Variants in MMP20 observed in about 807,000 individuals in gnomAD.
MMP20 encodes the protein matrix metallopeptidase 20, also known as matrix metalloproteinase-20.
MMP20 carries 50 observed loss-of-function variants against 51.8 expected under a neutral mutation model. The ratio of observed to expected loss-of-function variants is 0.97; its 90% CI spans 0.77 to 1.22. The LOEUF (loss-of-function observed/expected upper bound fraction) is 1.22. MMP20 is among the 50% of genes most tolerant of loss of function. The pLI, the probability that MMP20 is intolerant of heterozygous loss-of-function variation, is 0.00. For missense variants in MMP20, 663 were observed against 601.4 expected (o/e 1.10, Z -1.07); for synonymous variants, 244 against 216.2 (o/e 1.13, Z -1.13).
intron 8 of MMP20, among the ~76,000 whole-genome samples, chr11:102,590,984 G>A (rs969189854): frequency 6.6e-6 from 1 of 152,168 alleles, no homozygotes; most frequent in Non-Finnish European, 1.5e-5. Flanking sequence ...TAAACTGTCA[G>A]ACTTTTTACA....
In MMP20 at chr11:102,610,000, G is replaced by C; in HGVS notation, c.554C>G (p.Pro185Arg). The C allele has an allele frequency of 1.2e-6, 2 of 1,614,128 alleles. No homozygotes were observed. Among genetic ancestry groups the C allele is most frequent in the Non-Finnish European group, 1.7e-6 (2 of 1,180,032 alleles). The change falls in exon 4 of 10, where the codon CCT becomes CGT. Residue 185 changes from proline (P) to arginine (R), a missense_variant. Coordinates refer to ENST00000260228, the MANE Select transcript of MMP20 (RefSeq NM_004771.4). ...DHGDSYPFDG[P>R]RGTLAHAFAP... ...AAATGCATGGGCTAGAGTCCCCCGA[G>C]GCCCATCGAATGGATAGGAATCCCC... is the stretch of plus-strand genomic sequence containing the variant.
At chr11:102,578,103 T>G (rs1378553331) in intron 9 of MMP20, among the ~76,000 whole-genome samples, 1 of 152,016 alleles carries the variant, frequency 6.6e-6, no homozygotes, top group Non-Finnish European at 1.5e-5. Context: ...ATTGCAGGAG[T>G]TGGATGATGG....
chr11:102,606,059 A>G (rs1859511329), intron 6 of MMP20, among the ~76,000 whole-genome samples: 1 of 152,166 alleles, frequency 6.6e-6, no homozygotes, highest in Admixed American at 6.5e-5. Context: ...CCAATCTCCT[A>G]TCTGTCCATC....
chr11:102,584,423 T>C (rs1156365299), intron 8 of MMP20, among the ~76,000 whole-genome samples: 1 of 152,220 alleles, frequency 6.6e-6, no homozygotes, highest in Non-Finnish European at 1.5e-5. Flanking sequence ...CATTTGTATA[T>C]CTTTGTTGGA....
At chr11:102,593,723 C>A in intron 7 of MMP20, 128 bp from the exon 8 acceptor site, 1 of 993,116 alleles carries the variant, frequency 1.0e-6, no homozygotes, top group African/African-American at 1.6e-5. Context: ...TATAACCCAA[C>A]AAGAGATATA....
chr11:102,609,192 G>C (rs1467787503), intron 4 of MMP20, 94 bp from the exon 5 acceptor site: 2 of 1,121,454 alleles, frequency 1.8e-6, no homozygotes, highest in Admixed American at 2.0e-5. Context: ...CCACATTACA[G>C]TTAACCCATC....
Position 102,611,839 on chromosome 11 carries a change from G to T in MMP20, c.439C>A (p.Gln147Lys). The T allele has an allele frequency of 6.2e-7, 1 of 1,614,176 alleles. No homozygotes were observed. Among genetic ancestry groups the T allele is most frequent in the Middle Eastern group, 1.6e-4 (1 of 6,062 alleles). ...AGAGGGACGGCGCTACTCCAGGCCT[G>T]CAAGGCCATCTCCACTGCTTTGTCC... Reference protein sequence around the residue: ...EVDKAVEMALQAWSSAVPLSF... With the variant: ...EVDKAVEMALKAWSSAVPLSF... Residue 147 changes from glutamine to lysine, a missense_variant, in exon 3 of 10, where the codon CAG becomes AAG. By Grantham distance (53) the Gln-to-Lys change is moderately conservative. Coordinates refer to ENST00000260228, the MANE Select transcript of MMP20 (RefSeq NM_004771.4).
intron 3 of MMP20, 37 bp from the exon 4 acceptor site, chr11:102,610,067 C>A: frequency 1.2e-6 from 2 of 1,612,642 alleles, no homozygotes; most frequent in South Asian, 1.1e-5. Context: ...AAGATTGAGT[C>A]CTTCTAGAAA....
chr11:102,577,598 T>C (rs1843526059), intron 9 of MMP20, among the ~76,000 whole-genome samples, 172 bp from the exon 10 acceptor site: 2 of 152,234 alleles, frequency 1.3e-5, no homozygotes, highest in Admixed American at 6.5e-5. Flanking sequence ...CTCCTGAACT[T>C]CTCAGTCATT....
chr11:102,603,663 T>C (rs945258970), intron 6 of MMP20, among the ~76,000 whole-genome samples: 3 of 152,150 alleles, frequency 2.0e-5, no homozygotes, highest in Non-Finnish European at 2.9e-5. Flanking sequence ...GAAGAGAAGC[T>C]CCAGGTGCCA....
intron 8 of MMP20, among the ~76,000 whole-genome samples, chr11:102,582,946 C>A (rs1859213881): frequency 1.3e-5 from 2 of 152,192 alleles, no homozygotes; most frequent in South Asian, 4.1e-4. Context: ...TATATCCTCA[C>A]ATGGCCTCAA....
At position 102,593,579 on chromosome 11, in the gene MMP20, T is replaced by C; in HGVS notation, c.1107A>G (p.Ile369Met). The change falls in exon 8 of 10, where the codon ATA becomes ATG. Residue 369 changes from isoleucine (I) to methionine (M), a missense_variant. Ile to Met is a conservative substitution (Grantham distance 10). Coordinates refer to ENST00000260228, the MANE Select transcript of MMP20 (RefSeq NM_004771.4). ...AYFFKGPHYW[I>M]TRGFQMQGPP... ...GACCTTGCATTTGGAATCCTCTTGT[T>C]ATCCAGTAGTGGGGACCTGAAAACA... 1 of 1,614,160 alleles carries C rather than the reference T, an allele frequency of 6.2e-7. No homozygotes were observed. The highest frequency in any genetic ancestry group is 8.5e-7 in the Non-Finnish European group (1 of 1,179,988).
intron 6 of MMP20, among the ~76,000 whole-genome samples, chr11:102,595,995 T>G (rs998398293): frequency 1.3e-5 from 2 of 152,204 alleles, no homozygotes; most frequent in Admixed American, 1.3e-4. Flanking sequence ...ATTCAGTTAA[T>G]CTAACAAATA....
intron 6 of MMP20, among the ~76,000 whole-genome samples, chr11:102,599,305 C>G (rs1229410547): frequency 2.0e-5 from 3 of 152,178 alleles, no homozygotes; most frequent in Non-Finnish European, 4.4e-5. Context: ...CAGGCATGAG[C>G]CACCATGCCG....
intron 2 of MMP20, among the ~76,000 whole-genome samples, chr11:102,612,980 G>A (rs192480400): frequency 6.6e-5 from 10 of 152,086 alleles, no homozygotes; most frequent in Middle Eastern, 3.4e-3. Context: ...CAGGTGATCC[G>A]CCCTCCTCAG....
intron 8 of MMP20, among the ~76,000 whole-genome samples, chr11:102,586,164 A>C (rs1377440059): frequency 6.6e-6 from 1 of 152,190 alleles, no homozygotes; most frequent in East Asian, 1.9e-4. Context: ...AGTCTGTGAA[A>C]AACTGGTATT....
chr11:102,600,883 T>C (rs1859437530), intron 6 of MMP20, among the ~76,000 whole-genome samples: 1 of 152,174 alleles, frequency 6.6e-6, no homozygotes, highest in Non-Finnish European at 1.5e-5. Flanking sequence ...GTCCCTTTTC[T>C]TCAGTCCTCA....
chr11:102,607,270 A>G (rs1281027186), intron 5 of MMP20: 1 of 162,838 alleles, frequency 6.1e-6, no homozygotes, highest in Non-Finnish European at 1.3e-5. Flanking sequence ...ATTTAAAGGT[A>G]TCTTCTGGTG....
rs1167155088 is a variant in MMP20, at chr11:102,577,183, A to C, written c.*143T>G. The stretch of plus-strand genomic sequence containing the variant: ...TTATACAACTATGAAAAAAATTGGA[A>C]GTATTATTATTCTCAGTGAATTCTA... On this transcript the variant is annotated 3_prime_UTR_variant, in exon 10 of 10. Coordinates refer to ENST00000260228, the MANE Select transcript of MMP20 (RefSeq NM_004771.4). The C allele has an allele frequency of 1.5e-6, 1 of 653,844 alleles. No homozygotes were observed. Among genetic ancestry groups the C allele is most frequent in the African/African-American group, 1.8e-5 (1 of 54,474 alleles). The allele number at this position is 653,844 out of a possible 1,614,324, so 40.5% of individuals were successfully genotyped here. A position where few individuals can be genotyped will look rare whatever the true frequency, so the allele number is the denominator to read the frequency against.
Sources: allele counts gnomAD v4.1 joint callset (sites outside exome capture counted in the v4.1 genomes callset), GRCh38; gene constraint gnomAD v4.1.1; transcripts MANE v1.5; gene names NCBI Gene and HGNC (gene_info 2026-07-23, HGNC 2026-07-21).